CDH18: variants seen among roughly 807,000 people sequenced by gnomAD.
The protein encoded by CDH18 is cadherin 18, also known as cadherin-18.
CDH18 carries 31 observed loss-of-function variants against 67.9 expected under a neutral mutation model. The ratio of observed to expected loss-of-function variants is 0.46; its 90% confidence interval spans 0.34 to 0.62. The LOEUF is 0.62. CDH18 is among the 20% of genes least tolerant of loss of function. The pLI is 0.01. For missense variants in CDH18, 890 were observed against 975.5 expected, an observed-to-expected ratio of 0.91 and a Z score of 1.17; for synonymous variants, 362 against 347.2, an observed-to-expected ratio of 1.04 and a Z score of -0.48.
At chr5:20,379,452 G>A (rs1026087422) in intron 1 of CDH18, among the ~76,000 whole-genome samples, 17 of 151,908 alleles carry the variant, frequency 1.1e-4, no homozygotes, top group African/African-American at 3.4e-4. Context: ...AGAATATTAC[G>A]GCCACACTGA....
intron 2 of CDH18, among the ~76,000 whole-genome samples, chr5:19,868,216 T>C (rs1006313961): frequency 1.3e-5 from 2 of 152,258 alleles, no homozygotes; most frequent in South Asian, 4.1e-4. Flanking sequence ...GGAATAAATA[T>C]AATAATGAAT....
At chr5:20,122,639 CA>C (rs1346709556) in intron 2 of CDH18, among the ~76,000 whole-genome samples, 1 of 151,546 alleles carries the variant, frequency 6.6e-6, no homozygotes, top group Non-Finnish European at 1.5e-5. Context: ...AACTTATTCC[CA>C]TTAAAGATTT....
intron 4 of CDH18, among the ~76,000 whole-genome samples, chr5:19,736,404 A>C (rs987890600): frequency 5.9e-5 from 9 of 152,138 alleles, no homozygotes; most frequent in African/African-American, 2.2e-4. Flanking sequence ...AGACAGCTTC[A>C]CAGGTGGGGG....
intron 3 of CDH18, among the ~76,000 whole-genome samples, chr5:19,778,815 G>A (rs1774718542): frequency 6.6e-6 from 1 of 152,144 alleles, no homozygotes; most frequent in Non-Finnish European, 1.5e-5. Flanking sequence ...ATCTCCTCAT[G>A]CTGATATCTC....
intron 1 of CDH18, among the ~76,000 whole-genome samples, chr5:20,538,898 G>GCTTTTTT (rs1554016273): frequency 4.7e-5 from 5 of 106,764 alleles, no homozygotes; most frequent in Non-Finnish European, 7.2e-5. Context: ...ATAGCCAACT[G>GCTTTTTT]TTTTTTTTTT....
At chr5:19,688,362 C>T (rs1761404794) in intron 5 of CDH18, among the ~76,000 whole-genome samples, 2 of 152,130 alleles carry the variant, frequency 1.3e-5, no homozygotes, top group Admixed American at 6.6e-5. Flanking sequence ...GAATCCTCTT[C>T]CCCAGCAAAA....
intron 5 of CDH18, among the ~76,000 whole-genome samples, chr5:19,695,750 T>G (rs1336159479): frequency 6.6e-6 from 1 of 152,194 alleles, no homozygotes; most frequent in Non-Finnish European, 1.5e-5. Context: ...AAGCACTATG[T>G]ATAGCAACCT....
At chr5:19,673,852 T>C (rs1253037430) in intron 5 of CDH18, among the ~76,000 whole-genome samples, 1 of 152,094 alleles carries the variant, frequency 6.6e-6, no homozygotes, top group Non-Finnish European at 1.5e-5. Context: ...GACAGGTTAG[T>C]AAGTTTCAGG....
chr5:20,147,223 T>G (rs184956947), intron 2 of CDH18, among the ~76,000 whole-genome samples: 3 of 152,150 alleles, frequency 2.0e-5, no homozygotes, highest in African/African-American at 7.2e-5. Context: ...ATAAGGTTGA[T>G]TCAAAAGAAG....
intron 1 of CDH18, among the ~76,000 whole-genome samples, chr5:20,322,118 T>C (rs1738089250): frequency 6.6e-6 from 1 of 152,154 alleles, no homozygotes; most frequent in African/African-American, 2.4e-5. Flanking sequence ...GAGTGCATGG[T>C]TGGAAGATGG....
chr5:19,751,945 G>A (rs373368433), intron 3 of CDH18, among the ~76,000 whole-genome samples: 25 of 152,178 alleles, frequency 1.6e-4, no homozygotes, highest in Middle Eastern at 3.4e-3. Context: ...GAGAGTACTC[G>A]CAGACCCTCT....
chr5:20,342,818 G>C (rs867938193), intron 1 of CDH18, among the ~76,000 whole-genome samples: 2 of 152,194 alleles, frequency 1.3e-5, no homozygotes, highest in Non-Finnish European at 2.9e-5. Context: ...CCATGAGTGA[G>C]CTGGAAATGC....
At chr5:19,857,199 CA>C (rs1286940114) in intron 2 of CDH18, among the ~76,000 whole-genome samples, 4 of 151,772 alleles carry the variant, frequency 2.6e-5, no homozygotes, top group Admixed American at 2.0e-4. Context: ...CATTGCACTC[CA>C]GCTTGGGCAT....
intron 5 of CDH18, among the ~76,000 whole-genome samples, chr5:19,693,573 C>T (rs1762174758): frequency 2.0e-5 from 3 of 152,092 alleles, no homozygotes; most frequent in Admixed American, 2.0e-4. Flanking sequence ...AATTTGTCTA[C>T]AAACTAAGGC....
At chr5:19,926,359 T>C (rs756001577) in intron 2 of CDH18, among the ~76,000 whole-genome samples, 2 of 152,174 alleles carry the variant, frequency 1.3e-5, no homozygotes, top group African/African-American at 4.8e-5. Context: ...CATCAATTCA[T>C]TGTATTATCC....
intron 10 of CDH18, among the ~76,000 whole-genome samples, chr5:19,510,597 A>G (rs1744953328): frequency 6.6e-6 from 1 of 152,188 alleles, no homozygotes; most frequent in South Asian, 2.1e-4. Context: ...AAATATTAGA[A>G]GGGTAGTAAT....
chr5:20,248,717 C>G (rs1187254152), intron 2 of CDH18, among the ~76,000 whole-genome samples: 1 of 152,202 alleles, frequency 6.6e-6, no homozygotes, highest in East Asian at 1.9e-4. Context: ...TGACAAGTTT[C>G]ACTGCTTTGT....
chr5:19,997,357 T>C (rs528382138), intron 2 of CDH18, among the ~76,000 whole-genome samples: 19 of 152,206 alleles, frequency 1.2e-4, no homozygotes, highest in African/African-American at 2.9e-4. Flanking sequence ...TATGTTTTGA[T>C]TGACTTTTAT....
chr5:19,961,515 G>A (rs979806013), intron 2 of CDH18, among the ~76,000 whole-genome samples: 2 of 152,090 alleles, frequency 1.3e-5, no homozygotes, highest in Non-Finnish European at 2.9e-5. Flanking sequence ...AATATCAGTT[G>A]TGAAATTGTG....
Sources: allele counts gnomAD v4.1 joint callset (sites outside exome capture counted in the v4.1 genomes callset), GRCh38; gene constraint gnomAD v4.1.1; transcripts MANE v1.5; gene names NCBI Gene and HGNC (gene_info 2026-07-23, HGNC 2026-07-21).